The following HS3ST3A1 variants were observed in gnomAD, a reference collection of about 807,000 sequenced individuals.
HS3ST3A1 encodes the protein heparan sulfate-glucosamine 3-sulfotransferase 3A1, also known as heparan sulfate glucosamine 3-O-sulfotransferase 3A1.
HS3ST3A1 carries 19 observed loss-of-function variants against 25.7 expected under a neutral mutation model. The observed-to-expected ratio is 0.74, with a 90% CI of 0.52 to 1.08. HS3ST3A1 has a LOEUF of 1.08. Ranked by LOEUF, HS3ST3A1 falls within the 50% of genes least tolerant of loss-of-function variation. The probability of loss-of-function intolerance (pLI) is 0.00; values close to 1 mark genes in which losing one functional copy is unlikely to be tolerated. For missense variants in HS3ST3A1, 459 were observed against 594.3 expected, an observed-to-expected ratio of 0.77 and a Z score of 2.37; for synonymous variants, 226 against 278.6, an observed-to-expected ratio of 0.81 and a Z score of 1.88.
intron 1 of HS3ST3A1, among the ~76,000 whole-genome samples, chr17:13,505,043 A>T (rs1905614270): frequency 6.6e-6 from 1 of 152,242 alleles, no homozygotes; most frequent in East Asian, 1.9e-4. Context: ...AGGTAATTAC[A>T]TTCCCTAATT....
chr17:13,553,321 T>A (rs1907290472), intron 1 of HS3ST3A1, among the ~76,000 whole-genome samples: 2 of 152,148 alleles, frequency 1.3e-5, no homozygotes, highest in African/African-American at 4.8e-5. Flanking sequence ...AAGACCGCCA[T>A]GACATACCTT....
At chr17:13,569,973 A>G (rs930118961) in intron 1 of HS3ST3A1, among the ~76,000 whole-genome samples, 4 of 152,178 alleles carry the variant, frequency 2.6e-5, no homozygotes, top group African/African-American at 9.6e-5. Flanking sequence ...TGGAGATTCT[A>G]TTCTGGGACT....
At chr17:13,587,142 A>G (rs1908297144) in intron 1 of HS3ST3A1, among the ~76,000 whole-genome samples, 1 of 151,362 alleles carries the variant, frequency 6.6e-6, no homozygotes, top group African/African-American at 2.4e-5. Flanking sequence ...TAAAGTCCCA[A>G]CTCCTTAAAC....
rs773002312 is a variant in HS3ST3A1, at chr17:13,496,297, T to G, written c.1121A>C (p.Glu374Ala). Reference sequence around the variant, plus strand: ...CCTGCGCACCACCTCGCGGTCGATCTCAGGATGGGTCCTGCCCTTGGTCTT... The same window carrying G: ...CCTGCGCACCACCTCGCGGTCGATCGCAGGATGGGTCCTGCCCTTGGTCTT... Reference protein sequence around the residue: ...LGKTKGRTHPEIDREVVRRLR... With the variant: ...LGKTKGRTHPAIDREVVRRLR... Residue 374 changes from glutamate (E) to alanine (A), a missense_variant, in exon 2 of 2, where the codon GAG (glutamate) becomes GCG (alanine). This residue lies in a region of HS3ST3A1 where 46 missense variants were observed against 59.0 expected (regional missense o/e 0.78). Transcript: ENST00000284110. The G allele has an allele frequency of 2.1e-5, 33 of 1,554,200 alleles. No individual in the cohort carries two copies. Among genetic ancestry groups the G allele is most frequent in the Non-Finnish European group, 2.9e-5 (33 of 1,153,190 alleles).
At chr17:13,541,560 G>A (rs772391532) in intron 1 of HS3ST3A1, among the ~76,000 whole-genome samples, 1 of 152,206 alleles carries the variant, frequency 6.6e-6, no homozygotes, top group Non-Finnish European at 1.5e-5. Context: ...CAGTTTCTCT[G>A]AGATTTGAGA....
At chr17:13,560,743 G>C (rs1907522018) in intron 1 of HS3ST3A1, among the ~76,000 whole-genome samples, 1 of 152,050 alleles carries the variant, frequency 6.6e-6, no homozygotes, top group Non-Finnish European at 1.5e-5. Context: ...TTTCAACACA[G>C]GTGCCTGATA....
intron 1 of HS3ST3A1, among the ~76,000 whole-genome samples, chr17:13,568,617 A>G (rs1466424682): frequency 6.6e-6 from 1 of 152,156 alleles, no homozygotes; most frequent in East Asian, 1.9e-4. Context: ...AGTATCTTTC[A>G]GAGTGTTATG....
chr17:13,527,166 T>C (rs926351099), intron 1 of HS3ST3A1, among the ~76,000 whole-genome samples: 14 of 152,170 alleles, frequency 9.2e-5, no homozygotes, highest in African/African-American at 3.4e-4. Flanking sequence ...ACAGCCTGGG[T>C]CTGCACTTAC....
chr17:13,525,624 A>G (rs1906387289), intron 1 of HS3ST3A1, among the ~76,000 whole-genome samples: 1 of 152,208 alleles, frequency 6.6e-6, no homozygotes, highest in African/African-American at 2.4e-5. Flanking sequence ...CTCCCATTTC[A>G]TACTGAAACT....
chr17:13,590,907 T>TGG (rs36009056), intron 1 of HS3ST3A1, among the ~76,000 whole-genome samples: 2 of 151,466 alleles, frequency 1.3e-5, no homozygotes, highest in African/African-American at 4.9e-5. Context: ...AGCACTGGAT[T>TGG]GGGGGGGGAT....
chr17:13,579,546 A>T (rs551818942), intron 1 of HS3ST3A1, among the ~76,000 whole-genome samples: 1 of 151,588 alleles, frequency 6.6e-6, no homozygotes, highest in South Asian at 2.1e-4. Flanking sequence ...ACTAAAAAAT[A>T]CAAAAACTAG....
rs1908110990 is a variant in HS3ST3A1, at chr17:13,581,460, C to T, written c.599+19071G>A. 2.9e-5 allele frequency among the ~76,000 whole-genome samples: 3 copies of T among 104,486 alleles called. No homozygotes were observed. The South Asian group carries it at 9.5e-4, about 33-fold the overall frequency. 68.5% of individuals were successfully genotyped at this position (104,486 alleles called of 152,430 possible). ...CCAGCCTGGGTGATGAAGTGAGACT[C>T]TATCTCAAAAAAAAAAAAAAAAACG... On this transcript the variant is annotated intron_variant, in intron 1 of 1. Coordinates refer to ENST00000284110, the MANE Select transcript of HS3ST3A1 (RefSeq NM_006042.3).
At chr17:13,566,739 C>T (rs1430501498) in intron 1 of HS3ST3A1, among the ~76,000 whole-genome samples, 1 of 152,044 alleles carries the variant, frequency 6.6e-6, no homozygotes, top group Non-Finnish European at 1.5e-5. Context: ...AAAGCCTAAT[C>T]CAGAGCAAGG....
At position 13,574,224 on chromosome 17, in the gene HS3ST3A1, C is replaced by T. The variant is rs1907891702; in HGVS notation, c.599+26307G>A. Among the ~76,000 whole-genome samples, 5 of 151,104 alleles carry T rather than the reference C, an allele frequency of 3.3e-5. No homozygotes were observed. The South Asian group carries it at 1.1e-3, about 32-fold the overall frequency. ...TCTCAGCTCACTGCAACCTCCACCT[C>T]CCGGGTTCAAGTGATTCTCCTGCCT... On this transcript the variant is annotated intron_variant, in intron 1 of 1. Transcript: ENST00000284110.
At chr17:13,554,614 C>CT (rs1773729016) in intron 1 of HS3ST3A1, among the ~76,000 whole-genome samples, 2 of 152,272 alleles carry the variant, frequency 1.3e-5, no homozygotes, top group South Asian at 4.1e-4. Flanking sequence ...TTGAGGGGTG[C>CT]TGACTTTGGA....
chr17:13,544,859 T>C (rs77486999), intron 1 of HS3ST3A1, among the ~76,000 whole-genome samples: 7,547 of 151,918 alleles, frequency 0.05, 246 homozygotes, highest in African/African-American at 0.096. Flanking sequence ...GCTCACTCAA[T>C]TGGGCGTTGT....
At chr17:13,526,634 C>CT (rs2142326133) in intron 1 of HS3ST3A1, among the ~76,000 whole-genome samples, 1 of 150,436 alleles carries the variant, frequency 6.6e-6, no homozygotes, top group South Asian at 2.1e-4. Flanking sequence ...TGGTCATTTT[C>CT]TTTTTATTTT....
chr17:13,514,132 A>G (rs1350422673), intron 1 of HS3ST3A1, among the ~76,000 whole-genome samples: 2 of 151,848 alleles, frequency 1.3e-5, no homozygotes, highest in Non-Finnish European at 2.9e-5. Flanking sequence ...TTTTTTTCTA[A>G]TGGGATTTTT....
At chr17:13,573,175 C>T (rs1433055475) in intron 1 of HS3ST3A1, among the ~76,000 whole-genome samples, 1 of 152,216 alleles carries the variant, frequency 6.6e-6, no homozygotes, top group Non-Finnish European at 1.5e-5. Context: ...CTTTCCCCAA[C>T]CTCTATGGCA....
Sources: allele counts gnomAD v4.1 joint callset (sites outside exome capture counted in the v4.1 genomes callset), GRCh38; gene constraint gnomAD v4.1.1; regional missense constraint gnomAD v4.1.1; transcripts MANE v1.5; gene names NCBI Gene and HGNC (gene_info 2026-07-23, HGNC 2026-07-21).